The following MGAM2 variants were observed in gnomAD, a reference collection of about 807,000 sequenced individuals.
MGAM2 encodes maltase-glucoamylase 2 (putative), also known as probable maltase-glucoamylase 2.
In MGAM2, 98 loss-of-function variants were observed where a neutral mutation model predicts 96.1. The observed-to-expected ratio is 1.02, with a 90% CI of 0.87 to 1.21. The LOEUF is 1.21. MGAM2 is among the 50% of genes most tolerant of loss of function. The pLI is 0.00. For missense variants in MGAM2, 2,055 were observed against 1,182.4 expected (o/e 1.74, Z -10.82); for synonymous variants, 749 against 414.8 (o/e 1.81, Z -9.79).
intron 20 of MGAM2, among the ~76,000 whole-genome samples, 159 bp from the exon 21 acceptor site, chr7:142,159,975 C>T (rs1048563303): frequency 2.6e-5 from 4 of 152,092 alleles, no homozygotes; most frequent in Non-Finnish European, 4.4e-5. Context: ...GTCAGCTCTG[C>T]CCTCTACTAC....
intron 47 of MGAM2, among the ~76,000 whole-genome samples, chr7:142,219,032 A>G (rs1457265632): frequency 6.6e-6 from 1 of 152,212 alleles, no homozygotes. Flanking sequence ...GGTATAGGAT[A>G]AAAGGTTGAT....
At chr7:142,135,723 T>TATACACACACACAC (rs1795037525) in intron 7 of MGAM2, among the ~76,000 whole-genome samples, 1 of 145,114 alleles carries the variant, frequency 6.9e-6, no homozygotes, top group Non-Finnish European at 1.5e-5. Context: ...CACTTAGAGT[T>TATACACACACACAC]ACACACACAC....
At position 142,164,990 on chromosome 7, in the gene MGAM2, C is replaced by T. The variant is rs1795989434; in HGVS notation, c.2619C>T (p.Ser873=). The T allele has an allele frequency of 1.4e-6, 1 of 702,414 alleles. No homozygotes were observed. Among genetic ancestry groups the T allele is most frequent in the Non-Finnish European group, 2.6e-6 (1 of 384,720 alleles). The allele number at this position is 702,414 out of a possible 1,614,324, so 43.5% of individuals were successfully genotyped here. ...TCCTACTGAATAATGTTGCCACCTC[C>T]AGTCCAAGCGTTGTCTACAATGCTT... The part of the protein sequence containing the change: ...FIVLLNNVAT[S]SPSVVYNAST... Residue 873 remains serine, a synonymous_variant, in exon 24 of 48, where the codon TCC becomes TCT. Transcript: ENST00000477922.
In MGAM2 at chr7:142,221,024, T is replaced by C. The variant is rs1046842597; in HGVS notation, c.6513T>C (p.Asp2171=). ...ITATSHTSTD[D]TVPNNTVPVT... is the part of the protein sequence containing the mutation. Reference sequence around the variant, plus strand: ...CTACCTCTCATACAAGTACTGATGATACTGTTCCTAATAATACTGTTCCAG... The same window carrying C: ...CTACCTCTCATACAAGTACTGATGACACTGTTCCTAATAATACTGTTCCAG... Residue 2171 remains aspartate (D), a synonymous_variant, in exon 48 of 48, where the codon GAT becomes GAC. Transcript: ENST00000477922. 1 of 702,392 alleles carries C rather than the reference T, an allele frequency of 1.4e-6. No homozygotes were observed. Among genetic ancestry groups the C allele is most frequent in the Non-Finnish European group, 2.6e-6 (1 of 384,782 alleles). The allele number at this position is 702,392 out of a possible 1,614,324, so 43.5% of individuals were successfully genotyped here.
intron 24 of MGAM2, among the ~76,000 whole-genome samples, chr7:142,165,386 A>C (rs938849405): frequency 6.6e-6 from 1 of 152,144 alleles, no homozygotes; most frequent in Non-Finnish European, 1.5e-5. Context: ...AACAGTTGAT[A>C]TTTGTCCTTA....
Position 142,222,185 on chromosome 7 carries a change from C to G in MGAM2, c.*126C>G. 5.1e-6 allele frequency: 2 copies of G among 395,772 alleles called. No homozygotes were observed. Among genetic ancestry groups the G allele is most frequent in the Non-Finnish European group, 8.9e-6 (2 of 224,462 alleles). 24.5% of individuals were successfully genotyped at this position (395,772 alleles called of 1,614,324 possible). On this transcript the variant is annotated 3_prime_UTR_variant, in exon 48 of 48. Coordinates refer to ENST00000477922, the MANE Select transcript of MGAM2 (RefSeq NM_001293626.2). ...TTAAGTTTTCACGGATATTAGTACTCTAGCCATAAAAGACACAGCTACTCC... is the reference window on the plus strand; with the variant it reads ...TTAAGTTTTCACGGATATTAGTACTGTAGCCATAAAAGACACAGCTACTCC...
At chr7:142,190,045 T>A (rs1796821021) in intron 37 of MGAM2, among the ~76,000 whole-genome samples, 1 of 152,104 alleles carries the variant, frequency 6.6e-6, no homozygotes. Flanking sequence ...CATATTTTGC[T>A]TGCCTATCTA....
At chr7:142,203,773 G>A (rs142655818) in intron 45 of MGAM2, among the ~76,000 whole-genome samples, 5 of 152,022 alleles carry the variant, frequency 3.3e-5, no homozygotes, top group Middle Eastern at 3.4e-3. Flanking sequence ...AAATGGTACT[G>A]GGACAACTGG....
intron 27 of MGAM2, 135 bp from the exon 28 acceptor site, chr7:142,171,137 T>A (rs1335420561): frequency 1.4e-6 from 1 of 690,038 alleles, no homozygotes; most frequent in Admixed American, 2.0e-5. Flanking sequence ...ACCTGGGTCA[T>A]GTCACAGTAT....
chr7:142,186,058 A>T lies in MGAM2; in HGVS notation c.4057A>T (p.Ile1353Leu). 1.4e-6 allele frequency: 1 copy of T among 705,734 alleles called. No homozygotes were observed. The highest frequency in any genetic ancestry group is 2.6e-6 in the Non-Finnish European group (1 of 385,108). 43.7% of individuals were successfully genotyped at this position (705,734 alleles called of 1,614,324 possible). A position where few individuals can be genotyped will look rare whatever the true frequency, so the allele number is the denominator to read the frequency against. ...CACAGCTGCGTGGTGGAAGAAAGAG[A>T]TAGAAGAGCTCTATGCAAACCCTCG... is the stretch of plus-strand genomic sequence containing the variant. ...NSTAAWWKKE[I>L]EELYANPREP... is the part of the protein sequence containing the mutation. The change falls in exon 35 of 48, where the codon ATA becomes TTA. Residue 1353 changes from isoleucine (I) to leucine (L), a missense_variant. Ile to Leu is a conservative substitution (Grantham distance 5). Transcript: ENST00000477922.
At chr7:142,145,214 C>T (rs1163166007) in intron 14 of MGAM2, among the ~76,000 whole-genome samples, 1 of 152,152 alleles carries the variant, frequency 6.6e-6, no homozygotes, top group Non-Finnish European at 1.5e-5. Context: ...ATGCTTTCAT[C>T]CTGTTCATTT....
In MGAM2 at chr7:142,220,693, C is replaced by T. The variant is rs1416326162; in HGVS notation, c.6182C>T (p.Thr2061Ile). ...AGCACTAGTGCTACTGTTCCTATTACAACCACACCTTCCCCTACAAATACT... is the reference window on the plus strand; with the variant it reads ...AGCACTAGTGCTACTGTTCCTATTATAACCACACCTTCCCCTACAAATACT... ...STSTSATVPI[T>I]TTPSPTNTAD... Residue 2061 changes from threonine to isoleucine, a missense_variant, in exon 48 of 48, where the codon ACA becomes ATA. Coordinates refer to ENST00000477922, the MANE Select transcript of MGAM2 (RefSeq NM_001293626.2). 1 of 702,284 alleles carries T rather than the reference C, an allele frequency of 1.4e-6. No individual in the cohort carries two copies. The highest frequency in any genetic ancestry group is 2.6e-6 in the Non-Finnish European group (1 of 384,838). 43.5% of individuals were successfully genotyped at this position (702,284 alleles called of 1,614,324 possible).
chr7:142,142,730 A>G (rs898863133), intron 12 of MGAM2, among the ~76,000 whole-genome samples: 2 of 151,918 alleles, frequency 1.3e-5, no homozygotes, highest in African/African-American at 4.8e-5. Context: ...TTGTATTTTT[A>G]GTAGAGACGG....
intron 34 of MGAM2, 141 bp downstream of exon 34, chr7:142,185,280 G>A (rs774720354): frequency 1.3e-5 from 7 of 529,118 alleles, no homozygotes; most frequent in Non-Finnish European, 2.4e-5. Context: ...TTTCTTGGCA[G>A]AAAGAGATCC....
intron 35 of MGAM2, among the ~76,000 whole-genome samples, chr7:142,186,552 A>G (rs1796705809): frequency 6.6e-6 from 1 of 152,214 alleles, no homozygotes; most frequent in Non-Finnish European, 1.5e-5. Flanking sequence ...CTCTGAGGGA[A>G]TGGCTTAAAG....
At chr7:142,156,704 G>T (rs1201448942) in intron 17 of MGAM2, among the ~76,000 whole-genome samples, 1 of 152,140 alleles carries the variant, frequency 6.6e-6, no homozygotes, top group Non-Finnish European at 1.5e-5. Flanking sequence ...TACACTGGGT[G>T]CATAGAGTGG....
At chr7:142,147,108 C>T (rs1469136440) in intron 14 of MGAM2, among the ~76,000 whole-genome samples, 1 of 152,146 alleles carries the variant, frequency 6.6e-6, no homozygotes, top group African/African-American at 2.4e-5. Context: ...ACATTGTACA[C>T]TCAATTTCTC....
intron 42 of MGAM2, 137 bp downstream of exon 42, chr7:142,197,865 C>CT: frequency 1.6e-6 from 1 of 617,206 alleles, no homozygotes; most frequent in Non-Finnish European, 2.9e-6. Flanking sequence ...TACAGGAGAT[C>CT]TTTTTCTTTT....
intron 9 of MGAM2, among the ~76,000 whole-genome samples, chr7:142,138,252 T>C (rs917650062): frequency 6.6e-6 from 1 of 151,974 alleles, no homozygotes; most frequent in Non-Finnish European, 1.5e-5. Context: ...TATTAGCCCT[T>C]GCCACACTGT....
Sources: gnomAD v4.1 joint callset for allele counts (sites outside exome capture counted in the v4.1 genomes callset) on GRCh38, gnomAD v4.1.1 for gene constraint, MANE v1.5 for transcripts, NCBI Gene and HGNC (gene_info 2026-07-23, HGNC 2026-07-21) for gene names.